The following SCAMP1 variants were observed in gnomAD, a reference collection of about 807,000 sequenced individuals.
The protein encoded by SCAMP1 is secretory carrier membrane protein 1.
Under a neutral mutation model 41.8 loss-of-function variants are expected in SCAMP1, and 15 were observed. That is an observed-to-expected ratio of 0.36 (90% CI 0.24 to 0.55). The LOEUF (loss-of-function observed/expected upper bound fraction) is 0.55. SCAMP1 is among the 20% of genes least tolerant of loss of function. The pLI is 0.86. For synonymous variants in SCAMP1, 135 were observed against 136.8 expected, an observed-to-expected ratio of 0.99 and a Z score of 0.09; for missense variants, 341 against 412.6, an observed-to-expected ratio of 0.83 and a Z score of 1.50.
chr5:78,406,036 AAAGT>A (rs1751926411), intron 2 of SCAMP1, among the ~76,000 whole-genome samples: 1 of 152,244 alleles, frequency 6.6e-6, no homozygotes, highest in South Asian at 2.1e-4. Context: ...AACGGCTGTT[AAAGT>A]GAGTGAAAGC....
At chr5:78,435,890 G>A (rs1752740635) in intron 6 of SCAMP1, among the ~76,000 whole-genome samples, 1 of 152,164 alleles carries the variant, frequency 6.6e-6, no homozygotes, top group Non-Finnish European at 1.5e-5. Flanking sequence ...AGCATCTGTT[G>A]TTTCCTGACT....
chr5:78,389,385 C>T (rs1436773866), intron 2 of SCAMP1, among the ~76,000 whole-genome samples: 1 of 152,102 alleles, frequency 6.6e-6, no homozygotes, highest in Admixed American at 6.6e-5. Flanking sequence ...GAACTTTACC[C>T]AGACTAGGAA....
intron 2 of SCAMP1, among the ~76,000 whole-genome samples, chr5:78,406,206 A>G (rs983343036): frequency 2.0e-5 from 3 of 152,224 alleles, no homozygotes; most frequent in Non-Finnish European, 2.9e-5. Flanking sequence ...GTAGTTTGTT[A>G]AAAGTACAAA....
intron 2 of SCAMP1, among the ~76,000 whole-genome samples, chr5:78,397,568 C>T (rs2112102843): frequency 6.6e-6 from 1 of 152,246 alleles, no homozygotes. Flanking sequence ...TTGCAGATCA[C>T]ATATTTGATA....
chr5:78,399,587 T>C (rs1751749362), intron 2 of SCAMP1, among the ~76,000 whole-genome samples: 1 of 152,258 alleles, frequency 6.6e-6, no homozygotes, highest in Non-Finnish European at 1.5e-5. Context: ...CCTTTTTATG[T>C]GCTCACTTGC....
intron 2 of SCAMP1, among the ~76,000 whole-genome samples, chr5:78,391,349 G>A (rs1307357155): frequency 6.6e-6 from 1 of 151,362 alleles, no homozygotes; most frequent in African/African-American, 2.4e-5. Flanking sequence ...CTTCCCAGTA[G>A]GGGCGGCCGG....
chr5:78,437,787 T>TG (rs1246738558), intron 6 of SCAMP1, among the ~76,000 whole-genome samples: 2 of 152,246 alleles, frequency 1.3e-5, no homozygotes, highest in Non-Finnish European at 2.9e-5. Context: ...TCAGAAGGAA[T>TG]GGTACCAGCT....
chr5:78,409,448 C>CACACAA, intron 2 of SCAMP1, among the ~76,000 whole-genome samples: 1 of 150,486 alleles, frequency 6.6e-6, no homozygotes, highest in Non-Finnish European at 1.5e-5. Flanking sequence ...CACACACACA[C>CACACAA]GCATACACGC....
intron 1 of SCAMP1, among the ~76,000 whole-genome samples, chr5:78,385,252 G>T (rs1222563654): frequency 6.6e-6 from 1 of 151,978 alleles, no homozygotes; most frequent in Non-Finnish European, 1.5e-5. Flanking sequence ...GTTTGTAGTA[G>T]CCTTGAATGA....
chr5:78,399,654 T>G (rs1365782913), intron 2 of SCAMP1, among the ~76,000 whole-genome samples: 4 of 152,212 alleles, frequency 2.6e-5, no homozygotes, highest in African/African-American at 9.6e-5. Context: ...CATTTCTTAA[T>G]TGGTTTGTTA....
intron 6 of SCAMP1, among the ~76,000 whole-genome samples, chr5:78,434,964 A>AT (rs1338387351): frequency 6.6e-6 from 1 of 152,198 alleles, no homozygotes; most frequent in Non-Finnish European, 1.5e-5. Flanking sequence ...TACACATCTG[A>AT]TTTTTAAAAG....
intron 8 of SCAMP1, 92 bp downstream of exon 8, chr5:78,459,454 C>G: frequency 6.1e-6 from 4 of 659,382 alleles, no homozygotes; most frequent in Non-Finnish European, 1.1e-5. Context: ...AACCTGAAGC[C>G]ATTTTATCGT....
At chr5:78,368,437 A>G (rs1310158518) in intron 1 of SCAMP1, among the ~76,000 whole-genome samples, 2 of 152,218 alleles carry the variant, frequency 1.3e-5, no homozygotes, top group East Asian at 3.8e-4. Flanking sequence ...TTGGACTATG[A>G]TTAATATTTA....
At chr5:78,370,326 G>A (rs902609129) in intron 1 of SCAMP1, among the ~76,000 whole-genome samples, 4 of 152,228 alleles carry the variant, frequency 2.6e-5, no homozygotes, top group African/African-American at 9.6e-5. Flanking sequence ...TTCAGTGGGT[G>A]TGGGATATAA....
chr5:78,398,734 G>A (rs969063216), intron 2 of SCAMP1, among the ~76,000 whole-genome samples: 1 of 151,392 alleles, frequency 6.6e-6, no homozygotes, highest in Non-Finnish European at 1.5e-5. Context: ...TAGTAGAGAC[G>A]GGGTTTCACC....
chr5:78,460,794 T>TTCCTTCCTTTGGTTTCTTTTC (rs1753576591), intron 8 of SCAMP1, among the ~76,000 whole-genome samples: 1 of 50,014 alleles, frequency 2.0e-5, no homozygotes, highest in African/African-American at 1.1e-4. Flanking sequence ...CCTTCCTTCC[T>TTCCTTCCTTTGGTTTCTTTTC]TCCTTCCTTC....
At chr5:78,447,614 A>G (rs1177030784) in intron 6 of SCAMP1, among the ~76,000 whole-genome samples, 1 of 152,122 alleles carries the variant, frequency 6.6e-6, no homozygotes, top group South Asian at 2.1e-4. Context: ...AAGAACATAG[A>G]CTTGAATGTA....
chr5:78,424,940 G>A (rs1472729991), intron 6 of SCAMP1, among the ~76,000 whole-genome samples: 1 of 152,224 alleles, frequency 6.6e-6, no homozygotes, highest in African/African-American at 2.4e-5. Context: ...AAGCTGTGCG[G>A]TTCTGAGCAC....
intron 8 of SCAMP1, among the ~76,000 whole-genome samples, chr5:78,462,196 AGTGTGTGTGT>A (rs58331355): frequency 0.028 from 4,172 of 147,978 alleles, 201 homozygotes; most frequent in African/African-American, 0.095. Flanking sequence ...TGTGTGTAGG[AGTGTGTGTGT>A]GTGTGTGTGT....
Sources: allele counts gnomAD v4.1 joint callset (sites outside exome capture counted in the v4.1 genomes callset), GRCh38; gene constraint gnomAD v4.1.1; transcripts MANE v1.5; gene names NCBI Gene and HGNC (gene_info 2026-07-23, HGNC 2026-07-21).